RERE: variants seen among roughly 807,000 people sequenced by gnomAD.
RERE encodes the protein arginine-glutamic acid dipeptide repeats.
In RERE, 40 loss-of-function variants were observed where a neutral mutation model predicts 146.1. The observed-to-expected ratio is 0.27, with a 90% CI of 0.21 to 0.36. The LOEUF (loss-of-function observed/expected upper bound fraction) is 0.36, where lower values mean the gene tolerates loss of function less well. RERE is among the 10% of genes least tolerant of loss of function. The pLI, the probability that RERE is intolerant of heterozygous loss-of-function variation, is 1.00. For synonymous variants in RERE, 1,003 were observed against 866.0 expected (o/e 1.16, Z -2.78); for missense variants, 1,933 against 2,138.7 (o/e 0.90, Z 1.90).
chr1:8,521,683 A>G (rs1347894264), intron 7 of RERE, among the ~76,000 whole-genome samples: 2 of 152,222 alleles, frequency 1.3e-5, no homozygotes, highest in African/African-American at 2.4e-5. Flanking sequence ...AGAAAAATGA[A>G]GCTCAGAGGA....
At chr1:8,605,186 G>A (rs1646687232) in intron 4 of RERE, among the ~76,000 whole-genome samples, 1 of 152,090 alleles carries the variant, frequency 6.6e-6, no homozygotes, top group African/African-American at 2.4e-5. Context: ...CGCCCAGGTT[G>A]GGGTGCGATG....
intron 7 of RERE, among the ~76,000 whole-genome samples, chr1:8,516,364 A>G (rs1645418685): frequency 1.3e-5 from 2 of 152,076 alleles, no homozygotes; most frequent in East Asian, 1.9e-4. Context: ...CGACAACTCT[A>G]TGAGGCAGTA....
At chr1:8,807,682 C>A (rs1641716403) in intron 1 of RERE, among the ~76,000 whole-genome samples, 1 of 152,108 alleles carries the variant, frequency 6.6e-6, no homozygotes, top group South Asian at 2.1e-4. Context: ...AATCTTGATT[C>A]AAGTGCAAGA....
At chr1:8,502,560 C>T (rs1645187332) in intron 8 of RERE, among the ~76,000 whole-genome samples, 1 of 146,024 alleles carries the variant, frequency 6.8e-6, no homozygotes, top group East Asian at 2.1e-4. Context: ...AGCCCCTCTG[C>T]CCGGCCACGA....
At chr1:8,387,632 G>T (rs2124419717) in intron 12 of RERE, among the ~76,000 whole-genome samples, 1 of 152,214 alleles carries the variant, frequency 6.6e-6, no homozygotes, top group Non-Finnish European at 1.5e-5. Context: ...GTAAGCAAAA[G>T]ATTTATATAG....
At chr1:8,647,641 A>ATATGTGTGTGTG (rs371893375) in intron 2 of RERE, among the ~76,000 whole-genome samples, 4,364 of 148,572 alleles carry the variant, frequency 0.029, 144 homozygotes, top group East Asian at 0.13. Flanking sequence ...TAAAATATGT[A>ATATGTGTGTGTG]TGTGTGTGTG....
chr1:8,559,327 C>T (rs372684971), intron 4 of RERE, among the ~76,000 whole-genome samples: 1 of 90,924 alleles, frequency 1.1e-5, no homozygotes, highest in South Asian at 3.6e-4. Flanking sequence ...AAACAAAAAA[C>T]CAAAGTAAAT....
At chr1:8,475,819 C>T (rs1035527448) in intron 10 of RERE, among the ~76,000 whole-genome samples, 10 of 151,948 alleles carry the variant, frequency 6.6e-5, no homozygotes, top group Admixed American at 5.9e-4. Flanking sequence ...TGTTAAAAAA[C>T]TAGAATTGAA....
chr1:8,756,256 G>A (rs1044507853), intron 1 of RERE, among the ~76,000 whole-genome samples: 3 of 152,142 alleles, frequency 2.0e-5, no homozygotes, highest in African/African-American at 7.2e-5. Flanking sequence ...ATTAGATCAT[G>A]GCTAACCATT....
intron 8 of RERE, among the ~76,000 whole-genome samples, chr1:8,500,498 T>C (rs1407905456): frequency 1.3e-5 from 2 of 152,200 alleles, no homozygotes; most frequent in African/African-American, 4.8e-5. Flanking sequence ...AGACGGAGTC[T>C]CGTTCACTCA....
At chr1:8,716,748 T>A (rs1165734539) in intron 1 of RERE, among the ~76,000 whole-genome samples, 1 of 151,914 alleles carries the variant, frequency 6.6e-6, no homozygotes, top group African/African-American at 2.4e-5. Flanking sequence ...TTAAAAAAAA[T>A]TCACTAACCC....
At chr1:8,429,812 T>C (rs1182747307) in intron 11 of RERE, 1 of 152,670 alleles carries the variant, frequency 6.6e-6, no homozygotes, top group Admixed American at 6.5e-5. Context: ...ATGTTAATAA[T>C]TTATTGGTTC....
chr1:8,414,070 A>AG (rs1643692057), intron 12 of RERE, among the ~76,000 whole-genome samples: 1 of 149,946 alleles, frequency 6.7e-6, no homozygotes, highest in East Asian at 2.0e-4. Flanking sequence ...AAAAAAAAAA[A>AG]AAAGAAATGA....
chr1:8,363,906 GC>G (rs1641694243), intron 15 of RERE, 149 bp downstream of exon 15: 1 of 705,718 alleles, frequency 1.4e-6, no homozygotes, highest in Non-Finnish European at 2.3e-6. Context: ...CAGCCCACAG[GC>G]AAGCTACCGC....
chr1:8,364,438 G>A lies in RERE; in HGVS notation c.1541-183C>T, dbSNP rs1394240120. 6.6e-6 allele frequency among the ~76,000 whole-genome samples: 1 copy of A among 152,104 alleles called. No individual in the cohort carries two copies. Among genetic ancestry groups the A allele is most frequent in the African/African-American group, 2.4e-5 (1 of 41,424 alleles). On this transcript the variant is annotated intron_variant, in intron 14 of 22. Transcript: ENST00000400908. The surrounding 1 kb of genome is among the most constrained non-coding windows in gnomAD (Gnocchi z 5.1). ...CCCCCAAGGCCAGGAGAGGGTTTCA[G>A]GGGCATCTGCTGCCCACTTCAACTT...
At chr1:8,612,838 T>C (rs367886710) in intron 4 of RERE, among the ~76,000 whole-genome samples, 1 of 152,218 alleles carries the variant, frequency 6.6e-6, no homozygotes, top group African/African-American at 2.4e-5. Context: ...TACTAATTTG[T>C]CCCGTAAGAT....
intron 2 of RERE, among the ~76,000 whole-genome samples, chr1:8,655,145 G>C (rs750999416): frequency 1.3e-5 from 2 of 151,806 alleles, no homozygotes; most frequent in Admixed American, 1.3e-4. Context: ...GTTGATTAGA[G>C]AGCCTGAAGC....
Position 8,356,097 on chromosome 1 carries a change from T to TA in RERE, c.4486+2dup. The TA allele has an allele frequency of 6.7e-7, 1 of 1,494,972 alleles. No homozygotes were observed. Among genetic ancestry groups the TA allele is most frequent in the Non-Finnish European group, 8.9e-7 (1 of 1,124,968 alleles). The allele number at this position is 1,494,972 out of a possible 1,614,324, so 92.6% of individuals were successfully genotyped here. On this transcript the variant is annotated splice_region_variant and intron_variant, in intron 21 of 22. Transcript: ENST00000400908. The surrounding 1 kb of genome is among the most constrained non-coding windows in gnomAD (Gnocchi z 5.2). ...CCCGCCCCTCCTGGAGGGGAAGTCT[T>TA]ACCGAAAACTGGGTGGCGAAGCATC...
Position 8,761,439 on chromosome 1 carries a change from A to G in RERE, c.-145+55721T>C, listed in dbSNP as rs191908447. Among the ~76,000 whole-genome samples the G allele has an allele frequency of 5.9e-5, 9 of 152,236 alleles. No individual in the cohort carries two copies. The East Asian group carries it at 1.5e-3, about 26-fold the overall frequency. On this transcript the variant is annotated intron_variant, in intron 1 of 22. Coordinates refer to ENST00000400908, the MANE Select transcript of RERE (RefSeq NM_001042681.2). ...TATTTATTAGCATCTTCTTCCTCAAATCAGTTTGTCCTCCTGTGTTCCCAA... is the reference window on the plus strand; with the variant it reads ...TATTTATTAGCATCTTCTTCCTCAAGTCAGTTTGTCCTCCTGTGTTCCCAA...
Sources: gnomAD v4.1 joint callset for allele counts (sites outside exome capture counted in the v4.1 genomes callset) on GRCh38, gnomAD v4.1.1 for gene constraint, Gnocchi (gnomAD v3.1) non-coding constraint, MANE v1.5 for transcripts, NCBI Gene and HGNC (gene_info 2026-07-23, HGNC 2026-07-21) for gene names.